The following LRRC4C variants were observed in gnomAD, a reference collection of about 807,000 sequenced individuals.
LRRC4C encodes the protein leucine-rich repeat-containing protein 4C.
In LRRC4C, 5 loss-of-function variants were observed where a neutral mutation model predicts 33.6. The observed-to-expected ratio is 0.15, with a 90% CI of 0.08 to 0.31. The LOEUF (loss-of-function observed/expected upper bound fraction) is 0.31. LRRC4C is among the 10% of genes least tolerant of loss of function. The probability of loss-of-function intolerance (pLI) is 1.00; values close to 1 mark genes in which losing one functional copy is unlikely to be tolerated. For missense variants in LRRC4C, 560 were observed against 796.7 expected, an observed-to-expected ratio of 0.70 and a Z score of 3.58; for synonymous variants, 329 against 302.0, an observed-to-expected ratio of 1.09 and a Z score of -0.93.
Position 40,866,071 on chromosome 11 carries a change from T to C in LRRC4C, c.-407+67564A>G, listed in dbSNP as rs186157749. ...AAGACTATAAATGAATCCTTGCCAATTGGGTCAGAAGTATATGGTCTGATC... is the reference window on the plus strand; with the variant it reads ...AAGACTATAAATGAATCCTTGCCAACTGGGTCAGAAGTATATGGTCTGATC... On this transcript the variant is annotated intron_variant, in intron 2 of 6. Transcript: ENST00000528697. 2.5e-3 allele frequency among the ~76,000 whole-genome samples: 373 copies of C among 151,780 alleles called. 4 individuals are homozygous for C. The highest frequency in any genetic ancestry group is 8.2e-3 in the African/African-American group (340 of 41,408).
chr11:40,952,892 ACACACTCTCTCTCTCT>A (rs1286856313), intron 1 of LRRC4C, among the ~76,000 whole-genome samples: 1 of 49,622 alleles, frequency 2.0e-5, no homozygotes, highest in African/African-American at 4.8e-5. Context: ...ACACACACAC[ACACACTCTCTCTCTCT>A]CTCTCTCTCT....
At chr11:41,066,070 A>G (rs528014468) in intron 1 of LRRC4C, among the ~76,000 whole-genome samples, 2 of 152,338 alleles carry the variant, frequency 1.3e-5, no homozygotes, top group South Asian at 4.2e-4. Context: ...AATAAGATGG[A>G]CAAATTGACA....
chr11:41,124,555 C>T (rs1174094269), intron 1 of LRRC4C, among the ~76,000 whole-genome samples: 33 of 151,706 alleles, frequency 2.2e-4, no homozygotes, highest in Non-Finnish European at 2.9e-5. Flanking sequence ...AACTCTTCTG[C>T]TCTCAGATTC....
chr11:40,358,452 T>C (rs1335566307), intron 3 of LRRC4C, among the ~76,000 whole-genome samples: 2 of 152,114 alleles, frequency 1.3e-5, no homozygotes, highest in Non-Finnish European at 2.9e-5. Context: ...GGCTAATTTT[T>C]GTACTTTTAG....
At chr11:40,384,346 C>T (rs1681881534) in intron 3 of LRRC4C, among the ~76,000 whole-genome samples, 1 of 152,026 alleles carries the variant, frequency 6.6e-6, no homozygotes, top group Non-Finnish European at 1.5e-5. Context: ...AAACATATTA[C>T]AAGTAATAAT....
chr11:40,694,576 G>T (rs12276021), intron 2 of LRRC4C, among the ~76,000 whole-genome samples: 9,827 of 152,140 alleles, frequency 0.065, 1,075 homozygotes, highest in African/African-American at 0.23. Flanking sequence ...AGAGAGTTGT[G>T]GTGGTGCTGT....
chr11:41,225,862 A>T (rs1237892872), intron 1 of LRRC4C, among the ~76,000 whole-genome samples: 2 of 152,096 alleles, frequency 1.3e-5, no homozygotes, highest in Non-Finnish European at 2.9e-5. Flanking sequence ...GAGAACTATC[A>T]CAGGAGGATA....
At chr11:41,158,044 C>T (rs1944310768) in intron 1 of LRRC4C, among the ~76,000 whole-genome samples, 1 of 151,964 alleles carries the variant, frequency 6.6e-6, no homozygotes, top group Non-Finnish European at 1.5e-5. Context: ...ATCCCCAATT[C>T]TCCTCCTCCT....
intron 2 of LRRC4C, among the ~76,000 whole-genome samples, chr11:40,825,963 A>G (rs1952152090): frequency 7.0e-6 from 1 of 142,564 alleles, no homozygotes; most frequent in South Asian, 2.3e-4. Flanking sequence ...TCTCACATAT[A>G]TTCAATGAGT....
In LRRC4C at chr11:41,245,866, T is replaced by C. The variant is rs529306386; in HGVS notation, c.-496+213565A>G. 9.8e-5 allele frequency among the ~76,000 whole-genome samples: 15 copies of C among 152,310 alleles called. No individual in the cohort carries two copies. In the East Asian group the frequency reaches 2.7e-3, roughly 28 times the overall value. On this transcript the variant is annotated intron_variant, in intron 1 of 6. Coordinates refer to ENST00000528697, the MANE Select transcript of LRRC4C (RefSeq NM_001258419.2). ...GAGGAGACCCATAGTGGGCAGCTCC[T>C]CTGCAGGCAGGTGGTGCTGTTGTCT...
intron 3 of LRRC4C, among the ~76,000 whole-genome samples, chr11:40,546,782 A>G (rs1195047144): frequency 6.6e-6 from 1 of 152,078 alleles, no homozygotes; most frequent in African/African-American, 2.4e-5. Context: ...CATACGCACA[A>G]CTGGGGAGGA....
chr11:41,120,299 C>A (rs1367195966), intron 1 of LRRC4C, among the ~76,000 whole-genome samples: 2 of 152,184 alleles, frequency 1.3e-5, no homozygotes, highest in Non-Finnish European at 1.5e-5. Flanking sequence ...GTCCATCCAA[C>A]AAATATCTAT....
intron 1 of LRRC4C, among the ~76,000 whole-genome samples, chr11:41,304,508 C>T (rs1297607824): frequency 3.6e-5 from 4 of 110,748 alleles, no homozygotes; most frequent in Non-Finnish European, 5.7e-5. Flanking sequence ...CCAGCCGCCC[C>T]GTCCGGGAGG....
chr11:40,515,812 T>A (rs780743719), intron 3 of LRRC4C, among the ~76,000 whole-genome samples: 1 of 152,118 alleles, frequency 6.6e-6, no homozygotes, highest in Non-Finnish European at 1.5e-5. Flanking sequence ...CCTCATGAAG[T>A]ACTGTGGCCA....
intron 5 of LRRC4C, among the ~76,000 whole-genome samples, chr11:40,197,227 CT>C (rs1468767214): frequency 6.6e-6 from 1 of 152,140 alleles, no homozygotes; most frequent in African/African-American, 2.4e-5. Context: ...AACACTTGAG[CT>C]TGAGCCTCCA....
At chr11:41,034,849 C>T (rs1856965927) in intron 1 of LRRC4C, among the ~76,000 whole-genome samples, 1 of 149,852 alleles carries the variant, frequency 6.7e-6, no homozygotes, top group Admixed American at 6.7e-5. Flanking sequence ...CAAGTATATC[C>T]AAAATTTCCT....
At chr11:41,185,208 A>G (rs921787229) in intron 1 of LRRC4C, among the ~76,000 whole-genome samples, 7 of 152,204 alleles carry the variant, frequency 4.6e-5, no homozygotes, top group African/African-American at 1.4e-4. Flanking sequence ...AGTAGGTAGT[A>G]TCAAAGATTA....
At chr11:41,371,438 T>C (rs1283770886) in intron 1 of LRRC4C, among the ~76,000 whole-genome samples, 1 of 152,176 alleles carries the variant, frequency 6.6e-6, no homozygotes, top group Non-Finnish European at 1.5e-5. Context: ...TGTGAGTAAA[T>C]GGTGGGCTTT....
chr11:40,606,057 C>A (rs1443959692), intron 3 of LRRC4C, among the ~76,000 whole-genome samples: 1 of 152,116 alleles, frequency 6.6e-6, no homozygotes, highest in African/African-American at 2.4e-5. Context: ...GAGAACAAAA[C>A]AGCTTGGTTG....
Sources: allele counts gnomAD v4.1 joint callset (sites outside exome capture counted in the v4.1 genomes callset), GRCh38; gene constraint gnomAD v4.1.1; transcripts MANE v1.5; gene names NCBI Gene and HGNC (gene_info 2026-07-23, HGNC 2026-07-21).